PACSIN1: variants seen among roughly 807,000 people sequenced by gnomAD.
The protein encoded by PACSIN1 is protein kinase C and casein kinase substrate in neurons 1.
Under a neutral mutation model 59.5 loss-of-function variants are expected in PACSIN1, and 15 were observed. The observed-to-expected ratio is 0.25, with a 90% CI of 0.17 to 0.39. The LOEUF (loss-of-function observed/expected upper bound fraction) is 0.39. Among genes scored for constraint, PACSIN1 ranks in the 10% least tolerant of loss-of-function variants. The probability of loss-of-function intolerance (pLI) is 1.00; values close to 1 mark genes in which losing one functional copy is unlikely to be tolerated. For missense variants in PACSIN1, 420 were observed against 580.2 expected (o/e 0.72, Z 2.84); for synonymous variants, 210 against 220.6 (o/e 0.95, Z 0.42).
In PACSIN1 at chr6:34,531,549, G is replaced by A. The variant is rs554293054; in HGVS notation, c.1038-51G>A. 2.5e-6 allele frequency: 4 copies of A among 1,578,424 alleles called. No individual in the cohort carries two copies. Among genetic ancestry groups the A allele is most frequent in the Admixed American group, 3.4e-5 (2 of 58,202 alleles). ...TGATTAGGAGGAGCGGTTAGCCCTC[G>A]GGATGCGGTACGGGGAGACATTGAA... On this transcript the variant is annotated intron_variant, in intron 8 of 9. Coordinates refer to ENST00000244458, the MANE Select transcript of PACSIN1 (RefSeq NM_020804.5). This position sits in a 1 kb window ranked among gnomAD's most constrained non-coding sequence, Gnocchi z 4.4.
intron 1 of PACSIN1, among the ~76,000 whole-genome samples, chr6:34,489,277 T>C (rs1020594543): frequency 5.3e-5 from 8 of 152,146 alleles, no homozygotes; most frequent in Admixed American, 5.2e-4. Flanking sequence ...ATGCATGACC[T>C]CACATATTTT....
chr6:34,513,275 G>A (rs1767234196), intron 1 of PACSIN1, among the ~76,000 whole-genome samples: 1 of 152,226 alleles, frequency 6.6e-6, no homozygotes. Context: ...AGGGGTCTTG[G>A]AAGTGATGAA....
At chr6:34,483,545 GCTCCAAAC>G (rs2127247051) in intron 1 of PACSIN1, among the ~76,000 whole-genome samples, 1 of 151,542 alleles carries the variant, frequency 6.6e-6, no homozygotes, top group East Asian at 1.9e-4. Flanking sequence ...GGGCACATGA[GCTCCAAAC>G]CTCCAAACTC....
chr6:34,498,040 G>T (rs1380336660), intron 1 of PACSIN1, among the ~76,000 whole-genome samples: 6 of 151,306 alleles, frequency 4.0e-5, no homozygotes, highest in Admixed American at 2.0e-4. Context: ...TCCTTTGCCT[G>T]TTTTTTGTTT....
rs1290442111 is a variant in PACSIN1, at chr6:34,525,035, T to C, written c.-63-1208T>C. ...TAAACATCCCTGCTTTTCACTTCTC[T>C]GTATCTAAATTTAAAACGTTCCTTA... On this transcript the variant is annotated intron_variant, in intron 1 of 9. Coordinates refer to ENST00000244458, the MANE Select transcript of PACSIN1 (RefSeq NM_020804.5). This position sits in a 1 kb window ranked among gnomAD's most constrained non-coding sequence, Gnocchi z 4.9. Among the ~76,000 whole-genome samples, 17 of 152,370 alleles carry C rather than the reference T, an allele frequency of 1.1e-4. No individual in the cohort carries two copies. Among genetic ancestry groups the C allele is most frequent in the Non-Finnish European group, 4.4e-5 (3 of 68,038 alleles).
intron 1 of PACSIN1, among the ~76,000 whole-genome samples, chr6:34,501,619 G>A (rs759997985): frequency 6.6e-6 from 1 of 152,224 alleles, no homozygotes; most frequent in Non-Finnish European, 1.5e-5. Flanking sequence ...ACCAGAACAG[G>A]TGGGGAGGTT....
chr6:34,493,003 G>C (rs986917294), intron 1 of PACSIN1, among the ~76,000 whole-genome samples: 18 of 152,206 alleles, frequency 1.2e-4, no homozygotes, highest in African/African-American at 4.1e-4. Flanking sequence ...AGAAGAGTGG[G>C]AGAGGGTGAG....
Position 34,521,817 on chromosome 6 carries a change from G to C in PACSIN1, c.-63-4426G>C, listed in dbSNP as rs563852294. 6.6e-6 allele frequency among the ~76,000 whole-genome samples: 1 copy of C among 152,170 alleles called. No individual in the cohort carries two copies. Among genetic ancestry groups the C allele is most frequent in the Non-Finnish European group, 1.5e-5 (1 of 68,032 alleles). The stretch of plus-strand genomic sequence containing the variant: ...AGGTCTAGTGCTCCGTTTAATCCTT[G>C]CAACAGCCCATTTTACAGATGCGGA... On this transcript the variant is annotated intron_variant, in intron 1 of 9. Coordinates refer to ENST00000244458, the MANE Select transcript of PACSIN1 (RefSeq NM_020804.5). The surrounding 1 kb of genome is among the most constrained non-coding windows in gnomAD (Gnocchi z 4.3).
intron 1 of PACSIN1, among the ~76,000 whole-genome samples, chr6:34,467,193 C>T (rs1766508407): frequency 6.6e-6 from 1 of 152,194 alleles, no homozygotes. Context: ...ATCACAAGTC[C>T]AAATCATCAC....
intron 1 of PACSIN1, among the ~76,000 whole-genome samples, chr6:34,499,106 GC>G (rs1478965962): frequency 6.6e-6 from 1 of 151,988 alleles, no homozygotes; most frequent in African/African-American, 2.4e-5. Flanking sequence ...ATCAGTGGGA[GC>G]CCAGAGCTTT....
chr6:34,530,649 T>G lies in PACSIN1; in HGVS notation c.1037+62T>G. On this transcript the variant is annotated intron_variant, in intron 8 of 9. Coordinates refer to ENST00000244458, the MANE Select transcript of PACSIN1 (RefSeq NM_020804.5). This position sits in a 1 kb window ranked among gnomAD's most constrained non-coding sequence, Gnocchi z 4.4. Reference sequence around the variant, plus strand: ...GGACCCACACTCTGGGGCAGCTGAGTTTTGCTTCAGAAGACAAGAAATGGT... The same window carrying G: ...GGACCCACACTCTGGGGCAGCTGAGGTTTGCTTCAGAAGACAAGAAATGGT... 1 of 1,460,420 alleles carries G rather than the reference T, an allele frequency of 6.8e-7. No individual in the cohort carries two copies. Among genetic ancestry groups the G allele is most frequent in the Non-Finnish European group, 9.1e-7 (1 of 1,101,674 alleles). 90.5% of individuals were successfully genotyped at this position (1,460,420 alleles called of 1,614,324 possible).
Position 34,532,300 on chromosome 6 carries a change from T to A in PACSIN1, c.1226-121T>A. The stretch of plus-strand genomic sequence containing the variant: ...GGGGCTGGTTTCCAGGGGCGGGGCC[T>A]AAGAATCTAAAACCCAGTGCAGTAA... On this transcript the variant is annotated intron_variant, in intron 9 of 9. Transcript: ENST00000244458. This position sits in a 1 kb window ranked among gnomAD's most constrained non-coding sequence, Gnocchi z 5.2. 1.5e-6 allele frequency: 1 copy of A among 678,448 alleles called. No homozygotes were observed. Among genetic ancestry groups the A allele is most frequent in the Admixed American group, 2.6e-5 (1 of 37,894 alleles). The allele number at this position is 678,448 out of a possible 1,614,324, so 42.0% of individuals were successfully genotyped here.
intron 1 of PACSIN1, among the ~76,000 whole-genome samples, chr6:34,501,623 G>A (rs899419037): frequency 6.6e-6 from 1 of 152,192 alleles, no homozygotes; most frequent in African/African-American, 2.4e-5. Flanking sequence ...GAACAGGTGG[G>A]GAGGTTTAAA....
chr6:34,517,167 C>G (rs1370498750), intron 1 of PACSIN1, among the ~76,000 whole-genome samples: 1 of 152,200 alleles, frequency 6.6e-6, no homozygotes, highest in Non-Finnish European at 1.5e-5. Flanking sequence ...GACTTCTCAT[C>G]TCACCGCCAC....
chr6:34,526,390 G>T (rs1186122060), intron 2 of PACSIN1, 22 bp downstream of exon 2: 2 of 1,606,492 alleles, frequency 1.2e-6, no homozygotes, highest in South Asian at 2.2e-5. Context: ...ATGATCCCCA[G>T]GTTCGGGGAC....
intron 1 of PACSIN1, among the ~76,000 whole-genome samples, chr6:34,482,778 G>A (rs1766738864): frequency 6.6e-6 from 1 of 151,198 alleles, no homozygotes; most frequent in Admixed American, 6.6e-5. Context: ...CACCTCCCGG[G>A]TTCAATAAAT....
chr6:34,482,962 C>T (rs1366167908), intron 1 of PACSIN1, among the ~76,000 whole-genome samples: 1 of 149,342 alleles, frequency 6.7e-6, no homozygotes, highest in East Asian at 2.0e-4. Context: ...GCTGGGATTA[C>T]AGATGTTAGC....
intron 4 of PACSIN1, 103 bp downstream of exon 4, chr6:34,528,980 C>A: frequency 1.1e-6 from 1 of 883,936 alleles, no homozygotes; most frequent in Non-Finnish European, 1.8e-6. Context: ...TGGGCACTGC[C>A]CTCTGGGATT....
chr6:34,529,620 G>A lies in PACSIN1; in HGVS notation c.613-46G>A. Reference sequence around the variant, plus strand: ...TTGCAGAGGGTGGTGGCTGGGAGCTGCAGGCCTGGCTAGGTGTCACCCTCT... The same window carrying A: ...TTGCAGAGGGTGGTGGCTGGGAGCTACAGGCCTGGCTAGGTGTCACCCTCT... On this transcript the variant is annotated intron_variant, in intron 5 of 9. Transcript: ENST00000244458. The surrounding 1 kb of genome is among the most constrained non-coding windows in gnomAD (Gnocchi z 6.3). The A allele has an allele frequency of 5.6e-6, 9 of 1,612,304 alleles. No homozygotes were observed. The highest frequency in any genetic ancestry group is 7.6e-6 in the Non-Finnish European group (9 of 1,178,562).
Sources: allele counts gnomAD v4.1 joint callset (sites outside exome capture counted in the v4.1 genomes callset), GRCh38; gene constraint gnomAD v4.1.1; non-coding constraint Gnocchi (gnomAD v3.1); transcripts MANE v1.5; gene names NCBI Gene and HGNC (gene_info 2026-07-23, HGNC 2026-07-21).